The following ZNF765 variants were observed in gnomAD, a reference collection of about 807,000 sequenced individuals.
ZNF765 encodes zinc finger protein 765.
ZNF765 carries 37 observed loss-of-function variants against 44.7 expected under a neutral mutation model. The observed-to-expected ratio is 0.83, with a 90% confidence interval of 0.64 to 1.09. The LOEUF is 1.09. Ranked by LOEUF, ZNF765 falls within the 50% of genes least tolerant of loss-of-function variation. The pLI, the probability that ZNF765 is intolerant of heterozygous loss-of-function variation, is 0.00. For missense variants in ZNF765, 594 were observed against 626.1 expected (o/e 0.95, Z 0.55); for synonymous variants, 201 against 213.7 (o/e 0.94, Z 0.52).
At chr19:53,417,756 T>C (rs1168985879) in intron 3 of ZNF765, among the ~76,000 whole-genome samples, 1 of 152,220 alleles carries the variant, frequency 6.6e-6, no homozygotes, top group Non-Finnish European at 1.5e-5. Flanking sequence ...GTTCTTCCTT[T>C]TACTTCCTTT....
downstream of ZNF765, chr19:53,413,481 T>G (rs372181012): frequency 1.5e-4 from 59 of 396,046 alleles, no homozygotes; most frequent in East Asian, 1.2e-3. Flanking sequence ...TCTCTCTGAA[T>G]CTGTTAGGAA....
In ZNF765 at chr19:53,410,840, C is replaced by G. The variant is rs570918202; in HGVS notation, c.*1713C>G. ...GAATTCATACAGGAGAGAAACCTCACAAGTGTGATGATTGCGGCAAAGCCT... is the reference window on the plus strand; with the variant it reads ...GAATTCATACAGGAGAGAAACCTCAGAAGTGTGATGATTGCGGCAAAGCCT... On this transcript the variant is annotated 3_prime_UTR_variant, in exon 4 of 4. Coordinates refer to ENST00000396408, the MANE Select transcript of ZNF765 (RefSeq NM_001040185.3). The G allele has an allele frequency of 4.2e-6, 2 of 477,902 alleles. No individual in the cohort carries two copies. Among genetic ancestry groups the G allele is most frequent in the South Asian group, 3.1e-5 (2 of 64,422 alleles). 29.6% of individuals were successfully genotyped at this position (477,902 alleles called of 1,614,324 possible). A position where few individuals can be genotyped will look rare whatever the true frequency, so the allele number is the denominator to read the frequency against.
intron 2 of ZNF765, among the ~76,000 whole-genome samples, chr19:53,400,765 T>TAC (rs200622479): frequency 0.83 from 105,772 of 127,506 alleles, 44,431 homozygotes; most frequent in Admixed American, 0.88. Context: ...TTTGTTGACA[T>TAC]ATATATATAT....
At chr19:53,415,877 C>T (rs1223119467), downstream of ZNF765, among the ~76,000 whole-genome samples, 1 of 152,138 alleles carries the variant, frequency 6.6e-6, no homozygotes, top group African/African-American at 2.4e-5. Context: ...TTGCATCTCT[C>T]TGACATATAT....
intron 3 of ZNF765, among the ~76,000 whole-genome samples, chr19:53,417,767 C>A (rs1389319260): frequency 2.0e-5 from 3 of 152,190 alleles, no homozygotes; most frequent in Admixed American, 6.5e-5. Context: ...TACTTCCTTT[C>A]ATGTCTTTCA....
Position 53,423,238 on chromosome 19 carries a change from T to A in ZNF765, c.*136T>A, listed in dbSNP as rs145090519. 1,792 of 688,324 alleles carry A rather than the reference T, an allele frequency of 2.6e-3. 6 individuals carry two copies. The highest frequency in any genetic ancestry group is 0.019 in the African/African-American group (1,069 of 56,118). The allele number at this position is 688,324 out of a possible 1,614,324, so 42.6% of individuals were successfully genotyped here. ...GTCAATATCATTGTTCTCATGCACG[T>A]GACCGGCAAGTGGAGCAACAAAAAT... On this transcript the variant is annotated 3_prime_UTR_variant, in exon 4 of 4. Coordinates refer to the ZNF765 transcript ENST00000594030.
At chr19:53,414,896 A>G (rs1263370423), downstream of ZNF765, among the ~76,000 whole-genome samples, 2 of 152,104 alleles carry the variant, frequency 1.3e-5, no homozygotes, top group Non-Finnish European at 1.5e-5. Flanking sequence ...GAGTGCTGCA[A>G]TGACATGGTT....
downstream of ZNF765, among the ~76,000 whole-genome samples, chr19:53,414,865 C>T (rs1490364391): frequency 6.6e-6 from 1 of 152,002 alleles, no homozygotes; most frequent in Non-Finnish European, 1.5e-5. Flanking sequence ...ACACACTCAG[C>T]TCTGTCAATG....
rs569500497 is a variant in ZNF765, at chr19:53,402,174, G to A, written c.125G>A (p.Arg42Lys). ...AGGGACGTGATGCTGGAGAATTATA[G>A]GAACCTGGTCTCCCTGGGTGAGGAT... is the stretch of plus-strand genomic sequence containing the variant. ...LYRDVMLENY[R>K]NLVSLDISSK... is the part of the protein sequence containing the mutation. Residue 42 changes from arginine to lysine, a missense_variant, in exon 3 of 4, where the codon AGG (arginine) becomes AAG (lysine). Transcript: ENST00000396408. The A allele has an allele frequency of 6.2e-7, 1 of 1,613,386 alleles. No homozygotes were observed. Among genetic ancestry groups the A allele is most frequent in the African/African-American group, 1.3e-5 (1 of 74,890 alleles).
At chr19:53,418,316 G>GT (rs2085886965) in intron 3 of ZNF765, among the ~76,000 whole-genome samples, 2 of 152,130 alleles carry the variant, frequency 1.3e-5, no homozygotes, top group African/African-American at 4.8e-5. Context: ...TCCAGCCTGG[G>GT]TGACAGAGTG....
Position 53,408,045 on chromosome 19 carries a change from G to C in ZNF765, c.490G>C (p.Val164Leu), listed in dbSNP as rs1477546564. The C allele has an allele frequency of 6.2e-7, 1 of 1,614,160 alleles. No individual in the cohort carries two copies. Among genetic ancestry groups the C allele is most frequent in the Admixed American group, 1.7e-5 (1 of 60,022 alleles). Reference protein sequence around the residue: ...FHTEEKIDNQVVKSIHDASLV... With the variant: ...FHTEEKIDNQLVKSIHDASLV... Reference sequence around the variant, plus strand: ...CACTGAAGAGAAAATTGATAATCAAGTTGTGAAGTCTATCCACGATGCTTC... The same window carrying C: ...CACTGAAGAGAAAATTGATAATCAACTTGTGAAGTCTATCCACGATGCTTC... The change falls in exon 4 of 4, where the codon GTT becomes CTT. Residue 164 changes from valine to leucine, a missense_variant. Transcript: ENST00000396408.
chr19:53,405,997 C>T (rs1391610141), intron 3 of ZNF765, among the ~76,000 whole-genome samples: 1 of 98,756 alleles, frequency 1.0e-5, no homozygotes, highest in Non-Finnish European at 2.1e-5. Flanking sequence ...GTTGTGACAT[C>T]ATAATTGCAC....
chr19:53,414,873 A>G (rs985606718), downstream of ZNF765, among the ~76,000 whole-genome samples: 2 of 152,066 alleles, frequency 1.3e-5, no homozygotes, highest in Non-Finnish European at 2.9e-5. Flanking sequence ...AGCTCTGTCA[A>G]TGTGTAAACA....
intron 3 of ZNF765, among the ~76,000 whole-genome samples, chr19:53,406,417 T>A (rs1354902360): frequency 6.6e-6 from 1 of 152,102 alleles, no homozygotes; most frequent in Non-Finnish European, 1.5e-5. Context: ...TTTCAGTTCT[T>A]ATATTGTCTG....
chr19:53,403,458 G>T (rs2085747260), intron 3 of ZNF765, among the ~76,000 whole-genome samples: 1 of 151,228 alleles, frequency 6.6e-6, no homozygotes, highest in South Asian at 2.1e-4. Context: ...ACTTTTGTTT[G>T]TTTGTTTGTT....
intron 1 of ZNF765, among the ~76,000 whole-genome samples, chr19:53,396,584 C>CT (rs199790220): frequency 2.0e-5 from 3 of 151,490 alleles, no homozygotes; most frequent in Admixed American, 1.3e-4. Context: ...TAAATACAGA[C>CT]TTTTTTTTTC....
downstream of ZNF765, among the ~76,000 whole-genome samples, chr19:53,416,174 G>C (rs569283813): frequency 7.0e-4 from 107 of 152,194 alleles, no homozygotes; most frequent in African/African-American, 2.5e-3. Context: ...GGCTGGTCTT[G>C]AACTCCTGAC....
intron 3 of ZNF765, among the ~76,000 whole-genome samples, chr19:53,406,870 G>A (rs1437592875): frequency 3.9e-5 from 6 of 152,120 alleles, no homozygotes; most frequent in South Asian, 4.1e-4. Context: ...AGCTGAGATC[G>A]GGCCATTGAA....
At chr19:53,402,934 C>G (rs1019271712) in intron 3 of ZNF765, among the ~76,000 whole-genome samples, 1 of 151,956 alleles carries the variant, frequency 6.6e-6, no homozygotes, top group African/African-American at 2.4e-5. Flanking sequence ...CCCAGCACTT[C>G]GGGAGGCTGA....
Sources: gnomAD v4.1 joint callset for allele counts (sites outside exome capture counted in the v4.1 genomes callset) on GRCh38, gnomAD v4.1.1 for gene constraint, MANE v1.5 for transcripts, NCBI Gene and HGNC (gene_info 2026-07-23, HGNC 2026-07-21) for gene names.